The following MAP6 variants were observed in gnomAD, a reference collection of about 807,000 sequenced individuals.
The protein encoded by MAP6 is microtubule associated protein 6, also known as microtubule-associated protein 6.
In MAP6, 26 loss-of-function variants were observed where a neutral mutation model predicts 42.4. That is an observed-to-expected ratio of 0.61 (90% CI 0.45 to 0.85). The LOEUF (loss-of-function observed/expected upper bound fraction) is 0.85. Among genes scored for constraint, MAP6 ranks in the 40% least tolerant of loss-of-function variants. The pLI, the probability that MAP6 is intolerant of heterozygous loss-of-function variation, is 0.00. For missense variants in MAP6, 966 were observed against 1,099.0 expected (o/e 0.88, Z 1.71); for synonymous variants, 418 against 443.8 (o/e 0.94, Z 0.73).
chr11:75,598,100 A>G (rs648930), intron 3 of MAP6, among the ~76,000 whole-genome samples: 109,539 of 152,152 alleles, frequency 0.72, 39,711 homozygotes, highest in African/African-American at 0.79. Flanking sequence ...CTGAACTCTG[A>G]AAACAAACAG....
At chr11:75,652,611 G>A (rs1354203852) in intron 1 of MAP6, among the ~76,000 whole-genome samples, 1 of 152,074 alleles carries the variant, frequency 6.6e-6, no homozygotes, top group Non-Finnish European at 1.5e-5. Context: ...GCCGAGGTGG[G>A]TGGATCACCT....
intron 3 of MAP6, chr11:75,603,413 T>C (rs897291465): frequency 8.1e-6 from 8 of 985,688 alleles, no homozygotes; most frequent in Non-Finnish European, 9.6e-6. Flanking sequence ...TTGTAAACAG[T>C]AGAAATCAAA....
intron 1 of MAP6, among the ~76,000 whole-genome samples, chr11:75,624,971 A>G (rs1017059921): frequency 3.3e-5 from 5 of 152,150 alleles, no homozygotes; most frequent in Admixed American, 2.0e-4. Context: ...GGCCTCTAAC[A>G]ATGTTCAGCT....
At chr11:75,617,771 T>C (rs1943026607) in intron 1 of MAP6, among the ~76,000 whole-genome samples, 1 of 152,038 alleles carries the variant, frequency 6.6e-6, no homozygotes, top group Non-Finnish European at 1.5e-5. Flanking sequence ...GTAAGAAAAC[T>C]TCCCCATAAC....
chr11:75,652,771 G>A (rs368319958), intron 1 of MAP6, among the ~76,000 whole-genome samples: 6 of 151,550 alleles, frequency 4.0e-5, no homozygotes, highest in African/African-American at 1.2e-4. Context: ...TCCAGGAGGC[G>A]GAGGTTGCAG....
intron 1 of MAP6, among the ~76,000 whole-genome samples, chr11:75,612,384 A>T (rs960732311): frequency 5.3e-5 from 8 of 152,234 alleles, no homozygotes; most frequent in Non-Finnish European, 1.2e-4. Flanking sequence ...GTCTGATCCT[A>T]AGAAAAGACA....
intron 1 of MAP6, among the ~76,000 whole-genome samples, chr11:75,630,769 T>A (rs1389397988): frequency 6.6e-6 from 1 of 152,244 alleles, no homozygotes; most frequent in Non-Finnish European, 1.5e-5. Context: ...ACATTTTAAA[T>A]ACAAAATGCT....
At chr11:75,655,328 G>A (rs983530701) in intron 1 of MAP6, among the ~76,000 whole-genome samples, 5 of 152,210 alleles carry the variant, frequency 3.3e-5, no homozygotes, top group African/African-American at 1.2e-4. Context: ...AAGAAGATGG[G>A]AGGAGGGCAG....
chr11:75,638,022 T>C (rs937289379), intron 1 of MAP6, among the ~76,000 whole-genome samples: 5 of 152,078 alleles, frequency 3.3e-5, no homozygotes, highest in African/African-American at 1.2e-4. Flanking sequence ...AATAGGGGAA[T>C]GGTTAAATAA....
chr11:75,593,761 A>G (rs1396934438), intron 3 of MAP6, among the ~76,000 whole-genome samples: 2 of 152,164 alleles, frequency 1.3e-5, no homozygotes, highest in African/African-American at 4.8e-5. Flanking sequence ...CTGAGCAATA[A>G]CTATGGGCCA....
intron 1 of MAP6, among the ~76,000 whole-genome samples, chr11:75,647,551 A>T (rs561397853): frequency 1.8e-4 from 27 of 152,268 alleles, no homozygotes; most frequent in African/African-American, 6.0e-4. Flanking sequence ...ATACCGCAAC[A>T]ACCAAGTAGA....
intron 2 of MAP6, chr11:75,607,550 A>T: frequency 1.0e-6 from 1 of 985,486 alleles, no homozygotes. Flanking sequence ...TGCTGGGAAC[A>T]TATATTATAG....
intron 1 of MAP6, among the ~76,000 whole-genome samples, chr11:75,617,050 G>A (rs1943006910): frequency 6.6e-6 from 1 of 152,118 alleles, no homozygotes; most frequent in African/African-American, 2.4e-5. Flanking sequence ...TCAAGGTTTG[G>A]GCCCCTGTAC....
intron 1 of MAP6, among the ~76,000 whole-genome samples, chr11:75,631,240 C>T (rs1943279337): frequency 6.6e-6 from 1 of 152,154 alleles, no homozygotes; most frequent in African/African-American, 2.4e-5. Flanking sequence ...AGTCTCCACT[C>T]ATTCTCAGCA....
At chr11:75,621,762 C>T (rs1283417763) in intron 1 of MAP6, among the ~76,000 whole-genome samples, 5 of 152,096 alleles carry the variant, frequency 3.3e-5, no homozygotes, top group African/African-American at 9.7e-5. Context: ...AGGAATTGAC[C>T]GAGTAATCCC....
intron 1 of MAP6, among the ~76,000 whole-genome samples, chr11:75,629,227 A>G (rs955729039): frequency 6.6e-6 from 1 of 152,094 alleles, no homozygotes; most frequent in African/African-American, 2.4e-5. Context: ...AGCTGGGATT[A>G]CATGCATGTG....
At chr11:75,628,080 G>A (rs965088342) in intron 1 of MAP6, among the ~76,000 whole-genome samples, 7 of 152,196 alleles carry the variant, frequency 4.6e-5, no homozygotes, top group African/African-American at 1.7e-4. Flanking sequence ...GAGAGACAAG[G>A]CCCAGGAGAC....
intron 3 of MAP6, chr11:75,603,601 CGGGGGGT>C: frequency 2.2e-6 from 2 of 919,152 alleles, no homozygotes; most frequent in Non-Finnish European, 2.5e-6. Context: ...TGAGTGGGGG[CGGGGGGT>C]GGGGAAGCCT....
At chr11:75,615,213 G>A (rs1172533686) in intron 1 of MAP6, among the ~76,000 whole-genome samples, 1 of 152,212 alleles carries the variant, frequency 6.6e-6, no homozygotes, top group African/African-American at 2.4e-5. Flanking sequence ...TGGCTCTGGA[G>A]TGAGATACAT....
Sources: gnomAD v4.1 joint callset for allele counts (sites outside exome capture counted in the v4.1 genomes callset) on GRCh38, gnomAD v4.1.1 for gene constraint, MANE v1.5 for transcripts, NCBI Gene and HGNC (gene_info 2026-07-23, HGNC 2026-07-21) for gene names.